APOB: variants seen among roughly 807,000 people sequenced by gnomAD.
APOB encodes apolipoprotein B.
Under a neutral mutation model 314.1 loss-of-function variants are expected in APOB, and 153 were observed. The ratio of observed to expected loss-of-function variants is 0.49; its 90% CI spans 0.43 to 0.56. The LOEUF is 0.56. Among genes scored for constraint, APOB ranks in the 20% least tolerant of loss-of-function variants. The pLI is 0.00. For missense variants in APOB, 5,430 were observed against 5,350.7 expected (o/e 1.01, Z -0.46); for synonymous variants, 2,087 against 2,036.4 (o/e 1.02, Z -0.67).
Position 21,009,170 on chromosome 2 carries a change from C to T in APOB, c.7698G>A (p.Glu2566=), listed in dbSNP as rs149306841. 1 of 1,614,086 alleles carries T rather than the reference C, an allele frequency of 6.2e-7. No individual in the cohort carries two copies. The highest frequency in any genetic ancestry group is 8.5e-7 in the Non-Finnish European group (1 of 1,179,972). Residue 2566 remains glutamate (E), a synonymous_variant, in exon 26 of 29, where the codon GAG becomes GAA. Coordinates refer to ENST00000233242, the MANE Select transcript of APOB (RefSeq NM_000384.3). ...TAGCCCAATCTTGGATAGAATATTG[C>T]TCTGCAAAGTCAGTAAGGTTCTTAG... is the stretch of plus-strand genomic sequence containing the variant. ...LAAKNLTDFA[E]QYSIQDWAKR... is the part of the protein sequence containing the mutation.
chr2:21,006,783 A>G lies in APOB; in HGVS notation c.10085T>C (p.Ile3362Thr). ...AGATGAAGAAAGGAGATGAGCAACA[A>G]TATCTGACTGGTTAAAAAGTTCAGC... ...TNAELFNQSD[I>T]VAHLLSSSSS... The change falls in exon 26 of 29, where the codon ATT becomes ACT. Residue 3362 changes from isoleucine (I) to threonine (T), a missense_variant. Physicochemically the swap from Ile to Thr is moderately conservative, Grantham distance 89. Coordinates refer to ENST00000233242, the MANE Select transcript of APOB (RefSeq NM_000384.3). 1.2e-6 allele frequency: 2 copies of G among 1,614,146 alleles called. No individual in the cohort carries two copies. The highest frequency in any genetic ancestry group is 1.7e-6 in the Non-Finnish European group (2 of 1,179,980).
Position 21,011,846 on chromosome 2 carries a change from C to G in APOB, c.5022G>C (p.Glu1674Asp). 1 of 1,614,112 alleles carries G rather than the reference C, an allele frequency of 6.2e-7. No individual in the cohort carries two copies. Among genetic ancestry groups the G allele is most frequent in the Non-Finnish European group, 8.5e-7 (1 of 1,180,020 alleles). Residue 1674 changes from glutamate (E) to aspartate (D), a missense_variant, in exon 26 of 29, where the codon GAG becomes GAC. Glu to Asp is a conservative substitution (Grantham distance 45). Around this residue, in one of 3 missense-constraint regions of APOB, gnomAD observed 2,085 missense variants for 2,079.7 expected, o/e 1.00. Transcript: ENST00000233242. ...LLVLENELNA[E>D]LGLSGASMKL... ...TCATAGATGCCCCAGAGAGGCCAAG[C>G]TCTGCATTCAGCTCATTCTCCAGCA...
rs778138159 is a variant in APOB, at chr2:21,011,408, C to T, written c.5460G>A (p.Lys1820=). 1.1e-5 allele frequency: 18 copies of T among 1,614,104 alleles called. 1 individual carries two copies. Among genetic ancestry groups the T allele is most frequent in the Non-Finnish European group, 1.5e-5 (18 of 1,180,024 alleles). ...CTTTTAGGTTACCAGCCACATGCAG[C>T]TTCAGGGGTTCTAGCCGTAGTTTCC... The part of the protein sequence containing the change: ...NNGKLRLEPL[K]LHVAGNLKGA... Residue 1820 remains lysine (K), a synonymous_variant, in exon 26 of 29, where the codon AAG becomes AAA. Coordinates refer to ENST00000233242, the MANE Select transcript of APOB (RefSeq NM_000384.3).
rs773566874 is a variant in APOB at position 21,003,314 on chromosome 2, G to A, written c.12108C>T (p.Leu4036=). The change falls in exon 29 of 29, where the codon CTC becomes CTT. Residue 4036 remains leucine, a synonymous_variant. Transcript: ENST00000233242. The part of the protein sequence containing the change: ...YSPQSSPDKK[L]TIFKTELRVR... ...CCCTCAACTCAGTTTTGAATATGGT[G>A]AGTTTTTTATCTGGAGAGGACTAAA... 3.1e-6 allele frequency: 5 copies of A among 1,612,938 alleles called. No individual in the cohort carries two copies. The Admixed American group carries it at 6.7e-5, about 22-fold the overall frequency.
chr2:21,015,304 C>T (rs756925272), intron 22 of APOB, 44 bp from the exon 23 acceptor site: 21 of 1,613,204 alleles, frequency 1.3e-5, no homozygotes, highest in Non-Finnish European at 1.3e-5. Context: ...CTAGTTCAGC[C>T]TGTAACCACA....
rs1663617700 is a variant in APOB, at chr2:21,021,993, T to TCTCCCAGG, written c.2816+830_2816+837dup. On this transcript the variant is annotated intron_variant, in intron 18 of 28. Coordinates refer to ENST00000233242, the MANE Select transcript of APOB (RefSeq NM_000384.3). ...TTTTGTGAGACAGGATCTTGCTCTG[T>TCTCCCAGG]CTCCCAGGCTGGAGTGCAGTGGTGC... Among the ~76,000 whole-genome samples, 5 of 152,292 alleles carry TCTCCCAGG rather than the reference T, an allele frequency of 3.3e-5. No homozygotes were observed. In the South Asian group the frequency reaches 8.3e-4, roughly 25 times the overall value.
rs903766435 is a variant in APOB, at chr2:21,019,315, A to T, written c.3000-202T>A. ...AAGGGCAGACACCAGGATTCCCAAG[A>T]CTTTGGACAAGCAGAGCAGGAGTTG... On this transcript the variant is annotated intron_variant, in intron 19 of 28. Coordinates refer to ENST00000233242, the MANE Select transcript of APOB (RefSeq NM_000384.3). Among the ~76,000 whole-genome samples, 6 of 152,064 alleles carry T rather than the reference A, an allele frequency of 3.9e-5. No homozygotes were observed. In the South Asian group the frequency reaches 1.2e-3, roughly 32 times the overall value.
At chr2:21,036,107 A>G (rs1475633689) in intron 6 of APOB, among the ~76,000 whole-genome samples, 1 of 152,136 alleles carries the variant, frequency 6.6e-6, no homozygotes, top group Non-Finnish European at 1.5e-5. Context: ...GCTGAGCTAC[A>G]TGAATAATTC....
chr2:21,032,624 G>A (rs756992460), intron 9 of APOB, 43 bp from the exon 10 acceptor site: 2 of 1,490,492 alleles, frequency 1.3e-6, no homozygotes, highest in South Asian at 2.3e-5. Flanking sequence ...ACCACCTTCA[G>A]GGCACATAAA....
rs1371028457 is a variant in APOB at position 21,006,607 on chromosome 2, T to C, written c.10261A>G (p.Met3421Val). The C allele has an allele frequency of 2.5e-6, 4 of 1,613,998 alleles. No individual in the cohort carries two copies. Among genetic ancestry groups the C allele is most frequent in the Non-Finnish European group, 3.4e-6 (4 of 1,179,976 alleles). Reference protein sequence around the residue: ...NSTVSLTTKNMEVSVATTTKA... With the variant: ...NSTVSLTTKNVEVSVATTTKA... ...GTGGTTGTTGCCACTGACACTTCCA[T>C]ATTTTTCGTGGTTAAGCTCACAGTA... The change falls in exon 26 of 29, where the codon ATG becomes GTG. Residue 3421 changes from methionine to valine, a missense_variant. Around this residue, in one of 3 missense-constraint regions of APOB, gnomAD observed 3,281 missense variants for 3,171.0 expected, o/e 1.03. Transcript: ENST00000233242.
In APOB at chr2:21,002,857, G is replaced by C; in HGVS notation, c.12565C>G (p.Leu4189Val). Residue 4189 changes from leucine (L) to valine (V), a missense_variant, in exon 29 of 29, where the codon CTG becomes GTG. This residue lies in a region of APOB where 3,281 missense variants were observed against 3,171.0 expected (regional missense o/e 1.03). Coordinates refer to ENST00000233242, the MANE Select transcript of APOB (RefSeq NM_000384.3). ...TQEFHMKVKH[L>V]IDSLIDFLNF... ...AGAAAATCAATGAGTGAGTCAATCA[G>C]ATGCTTGACTTTCATATGGAATTCT... The C allele has an allele frequency of 1.9e-6, 3 of 1,613,520 alleles. No homozygotes were observed. The highest frequency in any genetic ancestry group is 8.5e-7 in the Non-Finnish European group (1 of 1,179,810).
In APOB at chr2:21,009,740, C is replaced by T. The variant is rs368448196; in HGVS notation, c.7128G>A (p.Lys2376=). Reference sequence around the variant, plus strand: ...TAACTTGTTGTAGGACATTGCTTAGCTTCTGAATAGTCTCCTTCAACTTGT... The same window carrying T: ...TAACTTGTTGTAGGACATTGCTTAGTTTCTGAATAGTCTCCTTCAACTTGT... ...HQYKLKETIQ[K]LSNVLQQVKI... is the part of the protein sequence containing the mutation. The change falls in exon 26 of 29, where the codon AAG becomes AAA. Residue 2376 remains lysine, a synonymous_variant. Transcript: ENST00000233242. The T allele has an allele frequency of 2.5e-6, 4 of 1,613,788 alleles. No homozygotes were observed. The Admixed American group carries it at 5.0e-5, about 20-fold the overall frequency.
In APOB at chr2:21,024,476, G is replaced by A. The variant is rs892968788; in HGVS notation, c.2436+457C>T. On this transcript the variant is annotated intron_variant, in intron 16 of 28. Transcript: ENST00000233242. The stretch of plus-strand genomic sequence containing the variant: ...TCTACTAAAGATACACAAATTAGCC[G>A]GGCATGCTGGTGCACGTCCACAGTC... 5.8e-5 allele frequency: 13 copies of A among 225,552 alleles called. No homozygotes were observed. In the South Asian group the frequency reaches 6.1e-4, roughly 11 times the overall value. 14.0% of individuals were successfully genotyped at this position (225,552 alleles called of 1,614,324 possible).
At chr2:21,024,397 C>G (rs1411207270) in intron 16 of APOB, 1 of 162,776 alleles carries the variant, frequency 6.1e-6, no homozygotes, top group African/African-American at 2.4e-5. Context: ...GCTGGAGGAT[C>G]ACTTGAGGTC....
chr2:21,010,636 G>T lies in APOB; in HGVS notation c.6232C>A (p.Gln2078Lys), dbSNP rs1663287649. 2 of 1,614,052 alleles carry T rather than the reference G, an allele frequency of 1.2e-6. No individual in the cohort carries two copies. Among genetic ancestry groups the T allele is most frequent in the Non-Finnish European group, 1.7e-6 (2 of 1,179,998 alleles). The change falls in exon 26 of 29, where the codon CAA becomes AAA. Residue 2078 changes from glutamine (Q) to lysine (K), a missense_variant. Gln to Lys is a moderately conservative substitution (Grantham distance 53). Transcript: ENST00000233242. ...TGTCGATTCCTCTCAAAATATTCTTGCAAGGTCTCAAAAAATGGGAGGTTA... is the reference window on the plus strand; with the variant it reads ...TGTCGATTCCTCTCAAAATATTCTTTCAAGGTCTCAAAAAATGGGAGGTTA... The part of the protein sequence containing the change: ...SINLPFFETL[Q>K]EYFERNRQTI...
intron 4 of APOB, among the ~76,000 whole-genome samples, chr2:21,040,218 C>T (rs1216459165): frequency 2.0e-5 from 3 of 152,210 alleles, no homozygotes; most frequent in Admixed American, 1.3e-4. Context: ...TCCCCAGCCA[C>T]GTGGAACTGT....
rs558304720 is a variant in APOB, at chr2:21,012,282, C to A, written c.4586G>T (p.Gly1529Val). The A allele has an allele frequency of 3.1e-6, 5 of 1,613,934 alleles. No homozygotes were observed. The African/African-American group carries it at 5.3e-5, about 17-fold the overall frequency. The change falls in exon 26 of 29, where the codon GGC becomes GTC. Residue 1529 changes from glycine to valine, a missense_variant. Coordinates refer to ENST00000233242, the MANE Select transcript of APOB (RefSeq NM_000384.3). ...NLRFNSSYLQ[G>V]TNQITGRYED... ...ATATCTTCCTGTTATCTGGTTGGTG[C>A]CTTGGAGGTAGGAGGAGTTAAACCT... is the stretch of plus-strand genomic sequence containing the variant.
chr2:21,007,625 A>AAGTTT lies in APOB; in HGVS notation c.9242_9243insAAACT (p.Ser3081ArgfsTer11). The AAGTTT allele has an allele frequency of 6.2e-7, 1 of 1,614,116 alleles. No individual in the cohort carries two copies. The highest frequency in any genetic ancestry group is 8.5e-7 in the Non-Finnish European group (1 of 1,179,950). On this transcript the variant is annotated frameshift_variant, in exon 26 of 29. Coordinates refer to ENST00000233242, the MANE Select transcript of APOB (RefSeq NM_000384.3). LOFTEE classifies it high-confidence loss of function. Reference sequence around the variant, plus strand: ...TTACTTGCCAACTTGCTTGCTGGGCACTGGGACTCAGAAACAGTGCATAGT... The same window carrying AAGTTT: ...TTACTTGCCAACTTGCTTGCTGGGCAAGTTTCTGGGACTCAGAAACAGTGCATAGT...
Position 21,008,511 on chromosome 2 carries a change from T to C in APOB, c.8357A>G (p.Glu2786Gly). The C allele has an allele frequency of 6.2e-7, 1 of 1,614,072 alleles. No homozygotes were observed. Among genetic ancestry groups the C allele is most frequent in the East Asian group, 2.2e-5 (1 of 44,882 alleles). The change falls in exon 26 of 29, where the codon GAA (glutamate) becomes GGA (glycine). Residue 2786 changes from glutamate (E) to glycine (G), a missense_variant. By Grantham distance (98) the Glu-to-Gly change is moderately conservative. Around this residue, in one of 3 missense-constraint regions of APOB, gnomAD observed 3,281 missense variants for 3,171.0 expected, o/e 1.03. Coordinates refer to ENST00000233242, the MANE Select transcript of APOB (RefSeq NM_000384.3). ...AGTGATGGAAGCTGCGATACCTGCT[T>C]CGTTTGCTGAGGTGGTTCCATTCCC... is the stretch of plus-strand genomic sequence containing the variant. Reference protein sequence around the residue: ...DIGNGTTSANEAGIAASITAK... With the variant: ...DIGNGTTSANGAGIAASITAK...
Sources: allele counts gnomAD v4.1 joint callset (sites outside exome capture counted in the v4.1 genomes callset), GRCh38; gene constraint gnomAD v4.1.1; regional missense constraint gnomAD v4.1.1; transcripts MANE v1.5; gene names NCBI Gene and HGNC (gene_info 2026-07-23, HGNC 2026-07-21).